The following SEMA6D variants were observed in gnomAD, a reference collection of about 807,000 sequenced individuals.
SEMA6D encodes the protein semaphorin-6D.
SEMA6D carries 35 observed loss-of-function variants against 106.6 expected under a neutral mutation model. The ratio of observed to expected loss-of-function variants is 0.33; its 90% confidence interval spans 0.25 to 0.44. The LOEUF (loss-of-function observed/expected upper bound fraction) is 0.44. Ranked by LOEUF, SEMA6D falls within the 20% of genes least tolerant of loss-of-function variation. The pLI is 1.00. For missense variants in SEMA6D, 1,185 were observed against 1,345.9 expected, an observed-to-expected ratio of 0.88 and a Z score of 1.87; for synonymous variants, 499 against 487.7, an observed-to-expected ratio of 1.02 and a Z score of -0.31.
chr15:47,732,686 A>G (rs768391709), intron 1 of SEMA6D, among the ~76,000 whole-genome samples: 1 of 152,234 alleles, frequency 6.6e-6, no homozygotes, highest in Non-Finnish European at 1.5e-5. Context: ...ACATTTGTGA[A>G]TGTGCTCAAA....
chr15:47,388,959 A>G (rs1028305970), intron 1 of SEMA6D, among the ~76,000 whole-genome samples: 1 of 152,222 alleles, frequency 6.6e-6, no homozygotes, highest in African/African-American at 2.4e-5. Flanking sequence ...TACAAAACTC[A>G]TCAGATACAA....
chr15:47,388,239 A>C (rs578251088), intron 1 of SEMA6D, among the ~76,000 whole-genome samples: 74 of 152,264 alleles, frequency 4.9e-4, no homozygotes, highest in Admixed American at 8.5e-4. Flanking sequence ...ACACAGCCTG[A>C]GTTGTTTTTA....
At chr15:47,722,125 C>T (rs1464045578) in intron 1 of SEMA6D, among the ~76,000 whole-genome samples, 1 of 152,134 alleles carries the variant, frequency 6.6e-6, no homozygotes, top group East Asian at 1.9e-4. Context: ...TGCCACCTTG[C>T]AATGGTGTGT....
At chr15:47,645,261 A>G (rs1198552571) in intron 4 of SEMA6D, among the ~76,000 whole-genome samples, 2 of 152,142 alleles carry the variant, frequency 1.3e-5, no homozygotes, top group Non-Finnish European at 2.9e-5. Context: ...AATGAGCGTC[A>G]CTTCTTCTCC....
intron 1 of SEMA6D, among the ~76,000 whole-genome samples, chr15:47,746,030 C>T (rs948742242): frequency 1.1e-4 from 16 of 152,152 alleles, no homozygotes; most frequent in Non-Finnish European, 2.2e-4. Context: ...AGTAATCTTT[C>T]TCTACGTTTG....
At chr15:47,249,409 A>G (rs988022346) in intron 1 of SEMA6D, among the ~76,000 whole-genome samples, 10 of 151,922 alleles carry the variant, frequency 6.6e-5, no homozygotes, top group Non-Finnish European at 1.5e-4. Context: ...GGGGATGCAA[A>G]AATGAATGGT....
At position 47,591,562 on chromosome 15, in the gene SEMA6D, G is replaced by A. The variant is rs146456089; in HGVS notation, c.-86-9303G>A. ...AGAGCAAGTGTTCCAGGAGACCCAGGTGGAAGGAACAAGACTTCTATTGAC... is the reference window on the plus strand; with the variant it reads ...AGAGCAAGTGTTCCAGGAGACCCAGATGGAAGGAACAAGACTTCTATTGAC... On this transcript the variant is annotated intron_variant, in intron 3 of 19. Coordinates refer to the SEMA6D transcript ENST00000558014. Among the ~76,000 whole-genome samples, 221 of 152,298 alleles carry A rather than the reference G, an allele frequency of 1.5e-3. 2 individuals are homozygous for A. The highest frequency in any genetic ancestry group is 5.2e-3 in the African/African-American group (214 of 41,544).
intron 3 of SEMA6D, among the ~76,000 whole-genome samples, chr15:47,543,248 G>A (rs1284644865): frequency 6.6e-6 from 1 of 152,164 alleles, no homozygotes; most frequent in Non-Finnish European, 1.5e-5. Context: ...TGGTTTGGCT[G>A]TGTGCTCACC....
intron 1 of SEMA6D, among the ~76,000 whole-genome samples, chr15:47,250,180 T>C (rs1041921129): frequency 1.3e-5 from 2 of 152,152 alleles, no homozygotes; most frequent in African/African-American, 4.8e-5. Context: ...GGAATGATTG[T>C]CTATATTTTG....
At chr15:47,403,381 G>C (rs2040459909) in intron 1 of SEMA6D, among the ~76,000 whole-genome samples, 1 of 152,192 alleles carries the variant, frequency 6.6e-6, no homozygotes, top group Non-Finnish European at 1.5e-5. Flanking sequence ...AGGTAGTAGA[G>C]CAAGGTAAAT....
intron 1 of SEMA6D, among the ~76,000 whole-genome samples, chr15:47,357,032 T>A (rs925322166): frequency 6.6e-6 from 1 of 152,146 alleles, no homozygotes; most frequent in African/African-American, 2.4e-5. Context: ...GCATTAATGC[T>A]TACATAAAAT....
chr15:47,193,168 T>G (rs554005226), intron 1 of SEMA6D, among the ~76,000 whole-genome samples: 5 of 152,180 alleles, frequency 3.3e-5, no homozygotes, highest in Admixed American at 3.3e-4. Flanking sequence ...AGCTTTCCCT[T>G]AATAGCTGTG....
At chr15:47,737,710 G>C (rs1307008899) in intron 1 of SEMA6D, among the ~76,000 whole-genome samples, 1 of 152,008 alleles carries the variant, frequency 6.6e-6, no homozygotes, top group African/African-American at 2.4e-5. Context: ...TTTCCAGTTT[G>C]TTCACCATTA....
chr15:47,329,436 A>C (rs985054334), intron 1 of SEMA6D, among the ~76,000 whole-genome samples: 3 of 152,208 alleles, frequency 2.0e-5, no homozygotes, highest in Non-Finnish European at 4.4e-5. Flanking sequence ...TAGAGATAGA[A>C]ATAGATGAGA....
chr15:47,473,466 T>C (rs1341067296), intron 3 of SEMA6D, among the ~76,000 whole-genome samples: 1 of 152,078 alleles, frequency 6.6e-6, no homozygotes, highest in Middle Eastern at 3.2e-3. Flanking sequence ...GTAATTATGC[T>C]GAAGTCCCCT....
chr15:47,349,340 G>T (rs1225092418), intron 1 of SEMA6D, among the ~76,000 whole-genome samples: 1 of 152,172 alleles, frequency 6.6e-6, no homozygotes, highest in Non-Finnish European at 1.5e-5. Context: ...TAACATCTCT[G>T]TGAGGCAGAG....
intron 1 of SEMA6D, among the ~76,000 whole-genome samples, chr15:47,186,963 A>C (rs1893617103): frequency 6.6e-6 from 1 of 152,168 alleles, no homozygotes; most frequent in East Asian, 1.9e-4. Context: ...CATGACTTTA[A>C]AATATGTTGA....
At chr15:47,458,339 T>C (rs1451073517) in intron 2 of SEMA6D, among the ~76,000 whole-genome samples, 2 of 151,946 alleles carry the variant, frequency 1.3e-5, no homozygotes, top group East Asian at 3.9e-4. Flanking sequence ...ATAAAAGACT[T>C]AAACAATGTT....
intron 1 of SEMA6D, among the ~76,000 whole-genome samples, chr15:47,365,786 G>A (rs1224154149): frequency 6.6e-6 from 1 of 151,684 alleles, no homozygotes; most frequent in Non-Finnish European, 1.5e-5. Flanking sequence ...GTGTGAACCC[G>A]GGAGGCAGAG....
Sources: gnomAD v4.1 joint callset for allele counts (sites outside exome capture counted in the v4.1 genomes callset) on GRCh38, gnomAD v4.1.1 for gene constraint, MANE v1.5 for transcripts, NCBI Gene and HGNC (gene_info 2026-07-23, HGNC 2026-07-21) for gene names.